PALM2AKAP2: variants seen among roughly 807,000 people sequenced by gnomAD.
The protein encoded by PALM2AKAP2 is PALM2 and AKAP2 fusion.
A neutral mutation model predicts 71.5 loss-of-function variants in PALM2AKAP2; 37 were observed. The observed-to-expected ratio is 0.52, with a 90% CI of 0.40 to 0.68. The LOEUF (loss-of-function observed/expected upper bound fraction) is 0.68, where lower values mean the gene tolerates loss of function less well. PALM2AKAP2 is among the 30% of genes least tolerant of loss of function. The probability of loss-of-function intolerance (pLI) is 0.00; values close to 1 mark genes in which losing one functional copy is unlikely to be tolerated. For missense variants in PALM2AKAP2, 1,224 were observed against 1,191.8 expected (o/e 1.03, Z -0.40); for synonymous variants, 468 against 478.8 (o/e 0.98, Z 0.29).
chr9:110,024,064 G>C (rs1283825274), intron 7 of PALM2AKAP2, among the ~76,000 whole-genome samples: 1 of 151,980 alleles, frequency 6.6e-6, no homozygotes, highest in African/African-American at 2.4e-5. Flanking sequence ...TTTTTTACTT[G>C]TTAGAGGCTC....
intron 7 of PALM2AKAP2, 75 bp downstream of exon 7, chr9:110,016,114 G>A (rs1250052220): frequency 7.0e-7 from 1 of 1,432,576 alleles, no homozygotes; most frequent in African/African-American, 1.4e-5. Context: ...GTTTTTCTGG[G>A]GGCAAAATGA....
chr9:110,015,706 C>T (rs1376144334), intron 6 of PALM2AKAP2, among the ~76,000 whole-genome samples: 1 of 152,134 alleles, frequency 6.6e-6, no homozygotes, highest in Non-Finnish European at 1.5e-5. Context: ...GAATAGCTCT[C>T]TATAAGATAT....
intron 5 of PALM2AKAP2, among the ~76,000 whole-genome samples, chr9:109,926,813 A>G (rs1830968618): frequency 6.6e-6 from 1 of 152,148 alleles, no homozygotes; most frequent in South Asian, 2.1e-4. Context: ...GAGACCTGTC[A>G]TACTCTGTGA....
chr9:110,081,187 A>C (rs1267964620), intron 1 of PALM2AKAP2, among the ~76,000 whole-genome samples: 3 of 152,226 alleles, frequency 2.0e-5, no homozygotes, highest in Non-Finnish European at 4.4e-5. Flanking sequence ...AAGAATATGC[A>C]CATTGAGTAA....
chr9:109,791,922 G>A (rs562741889), intron 1 of PALM2AKAP2, among the ~76,000 whole-genome samples: 1 of 152,316 alleles, frequency 6.6e-6, no homozygotes, highest in South Asian at 2.1e-4. Context: ...TTTTAACACA[G>A]TGTAGGCTGG....
chr9:109,743,858 A>C (rs1828757866), intron 1 of PALM2AKAP2, among the ~76,000 whole-genome samples: 1 of 152,348 alleles, frequency 6.6e-6, no homozygotes, highest in African/African-American at 2.4e-5. Context: ...TTGGAATGTC[A>C]TAGGAACTCA....
intron 3 of PALM2AKAP2, among the ~76,000 whole-genome samples, chr9:109,890,481 C>T (rs1830062867): frequency 6.6e-6 from 1 of 152,176 alleles, no homozygotes; most frequent in African/African-American, 2.4e-5. Flanking sequence ...GGCTCCTTAG[C>T]CAATGCATGC....
chr9:109,703,525 C>T (rs924567705), intron 1 of PALM2AKAP2, among the ~76,000 whole-genome samples: 2 of 151,974 alleles, frequency 1.3e-5, no homozygotes, highest in African/African-American at 4.8e-5. Flanking sequence ...TGGCAAGTTT[C>T]ACAAGTATGT....
At chr9:109,887,075 T>C (rs1829981649) in intron 3 of PALM2AKAP2, among the ~76,000 whole-genome samples, 1 of 152,168 alleles carries the variant, frequency 6.6e-6, no homozygotes, top group Non-Finnish European at 1.5e-5. Context: ...CTCTGGTAAA[T>C]ACCAGAATTC....
chr9:109,775,976 A>G (rs1564143233), upstream of PALM2AKAP2, among the ~76,000 whole-genome samples: 2 of 152,382 alleles, frequency 1.3e-5, no homozygotes, highest in East Asian at 3.9e-4. Context: ...GATGGTGTTT[A>G]TGCAACACAA....
chr9:110,161,248 T>A (rs1425859830), intron 3 of PALM2AKAP2, among the ~76,000 whole-genome samples: 1 of 152,204 alleles, frequency 6.6e-6, no homozygotes, highest in Non-Finnish European at 1.5e-5. Context: ...CACAGATGTG[T>A]GATCCCACCT....
At chr9:109,861,398 A>G (rs1307439781) in intron 1 of PALM2AKAP2, among the ~76,000 whole-genome samples, 1 of 152,162 alleles carries the variant, frequency 6.6e-6, no homozygotes, top group Admixed American at 6.5e-5. Flanking sequence ...TTCATTCTCT[A>G]CGGGTGCTCT....
intron 7 of PALM2AKAP2, among the ~76,000 whole-genome samples, chr9:110,033,011 T>A (rs998961315): frequency 2.6e-5 from 4 of 152,188 alleles, no homozygotes; most frequent in African/African-American, 2.4e-5. Context: ...AAATTTTTGG[T>A]CTGACTTTTC....
chr9:110,015,957 T>C (rs1247129976), exon 7 of PALM2AKAP2: 3 of 1,612,990 alleles, frequency 1.9e-6, no homozygotes, highest in Non-Finnish European at 2.5e-6. Flanking sequence ...CTTTCAGGAG[T>C]CGGGTGGGAG....
chr9:109,885,756 A>G (rs1324782253), intron 3 of PALM2AKAP2, among the ~76,000 whole-genome samples: 2 of 152,192 alleles, frequency 1.3e-5, no homozygotes, highest in Non-Finnish European at 1.5e-5. Flanking sequence ...TCTCTCCTCC[A>G]TAGGCCCCAC....
At chr9:109,692,176 G>A (rs1185804079) in intron 1 of PALM2AKAP2, among the ~76,000 whole-genome samples, 1 of 150,870 alleles carries the variant, frequency 6.6e-6, no homozygotes, top group Non-Finnish European at 1.5e-5. Context: ...ATAAAGTTGT[G>A]CAAAAATCAC....
intron 1 of PALM2AKAP2, among the ~76,000 whole-genome samples, chr9:109,863,140 G>A (rs1024443270): frequency 6.6e-6 from 1 of 152,160 alleles, no homozygotes; most frequent in Non-Finnish European, 1.5e-5. Context: ...ATGGATGCAG[G>A]GAGACTAATA....
intron 6 of PALM2AKAP2, chr9:109,944,619 G>A (rs765259067): frequency 6.6e-6 from 1 of 151,924 alleles, no homozygotes; most frequent in African/African-American, 2.4e-5. Context: ...TCTTCTCAAT[G>A]TTAAGCACTT....
At chr9:109,697,311 A>G (rs540402488) in intron 1 of PALM2AKAP2, among the ~76,000 whole-genome samples, 1 of 152,338 alleles carries the variant, frequency 6.6e-6, no homozygotes, top group African/African-American at 2.4e-5. Flanking sequence ...ATTTACAAAT[A>G]TAGTTGAATA....
Sources: allele counts gnomAD v4.1 joint callset (sites outside exome capture counted in the v4.1 genomes callset), GRCh38; gene constraint gnomAD v4.1.1; transcripts MANE v1.5; gene names NCBI Gene and HGNC (gene_info 2026-07-23, HGNC 2026-07-21).